Variants in CACNA1C observed in about 807,000 individuals in gnomAD.
CACNA1C encodes voltage-dependent L-type calcium channel subunit alpha-1C.
A neutral mutation model predicts 229.0 loss-of-function variants in CACNA1C; 30 were observed. That is an observed-to-expected ratio of 0.13 (90% CI 0.10 to 0.18). The LOEUF (loss-of-function observed/expected upper bound fraction) is 0.18. Ranked by LOEUF, CACNA1C falls within the 10% of genes least tolerant of loss-of-function variation. The pLI is 1.00. For synonymous variants in CACNA1C, 1,114 were observed against 1,132.5 expected (o/e 0.98, Z 0.33); for missense variants, 1,658 against 2,845.0 (o/e 0.58, Z 9.49).
intron 29 of CACNA1C, chr12:2,612,953 C>T (rs1011513590): frequency 3.9e-5 from 6 of 152,238 alleles, no homozygotes; most frequent in African/African-American, 1.4e-4. Flanking sequence ...AGACTTGAGA[C>T]AATCTCTCCA....
chr12:2,168,809 G>T (rs749671351), intron 3 of CACNA1C, among the ~76,000 whole-genome samples: 1 of 152,126 alleles, frequency 6.6e-6, no homozygotes, highest in Non-Finnish European at 1.5e-5. Context: ...ATTCTATGAT[G>T]GTCTTATGAG....
chr12:2,564,229 A>T (rs2049062371), intron 11 of CACNA1C, among the ~76,000 whole-genome samples: 1 of 152,134 alleles, frequency 6.6e-6, no homozygotes, highest in Non-Finnish European at 1.5e-5. Flanking sequence ...ACGATATGAT[A>T]CGCACTGTGA....
intron 9 of CACNA1C, among the ~76,000 whole-genome samples, chr12:2,517,891 C>T (rs1189252000): frequency 6.6e-6 from 1 of 152,214 alleles, no homozygotes; most frequent in Non-Finnish European, 1.5e-5. Flanking sequence ...TATTAAATAT[C>T]CATCCTTACA....
At chr12:2,203,847 G>T (rs2097673711) in intron 3 of CACNA1C, among the ~76,000 whole-genome samples, 1 of 152,220 alleles carries the variant, frequency 6.6e-6, no homozygotes, top group African/African-American at 2.4e-5. Context: ...GGATGGAACT[G>T]AGTGAAGTGA....
chr12:2,685,086 G>A (rs115346986), intron 43 of CACNA1C, among the ~76,000 whole-genome samples: 2,159 of 152,298 alleles, frequency 0.014, 51 homozygotes, highest in African/African-American at 0.048. Flanking sequence ...TGCAACGCAT[G>A]CACCGAGGGT....
At chr12:2,048,006 C>T (rs75941578), upstream of CACNA1C, among the ~76,000 whole-genome samples, 4,258 of 152,316 alleles carry the variant, frequency 0.028, 92 homozygotes, top group Non-Finnish European at 0.046. Context: ...GAGCTGGACA[C>T]GTACTTTGCC....
chr12:2,150,056 A>C (rs1442751693), intron 3 of CACNA1C, among the ~76,000 whole-genome samples: 1 of 152,166 alleles, frequency 6.6e-6, no homozygotes, highest in African/African-American at 2.4e-5. Context: ...GGTAACAGAG[A>C]GCCATGCTGT....
chr12:2,394,666 G>A (rs1323261067), intron 3 of CACNA1C, among the ~76,000 whole-genome samples: 1 of 152,142 alleles, frequency 6.6e-6, no homozygotes, highest in Non-Finnish European at 1.5e-5. Context: ...GACAAGAATG[G>A]CATCAAGTAG....
Position 2,605,629 on chromosome 12 carries a change from C to G in CACNA1C, c.3049-50C>G. 3 of 1,382,004 alleles carry G rather than the reference C, an allele frequency of 2.2e-6. No individual in the cohort carries two copies. Among genetic ancestry groups the G allele is most frequent in the Non-Finnish European group, 3.1e-6 (3 of 969,352 alleles). 85.6% of individuals were successfully genotyped at this position (1,382,004 alleles called of 1,614,324 possible). A position where few individuals can be genotyped will look rare whatever the true frequency, so the allele number is the denominator to read the frequency against. On this transcript the variant is annotated intron_variant, in intron 23 of 46. Coordinates refer to ENST00000399655, the MANE Select transcript of CACNA1C (RefSeq NM_000719.7). The surrounding 1 kb of genome is among the most constrained non-coding windows in gnomAD (Gnocchi z 6.2). ...GCCCCTGCTACCTCCTGGAAAGGCT[C>G]CTGGCATCTCCTGAAGCCACGTCCC...
intron 26 of CACNA1C, among the ~76,000 whole-genome samples, chr12:2,607,692 G>T (rs1307856661): frequency 1.3e-5 from 2 of 152,246 alleles, no homozygotes; most frequent in African/African-American, 4.8e-5. Context: ...GGCCTTGCAC[G>T]CTGCATCACC....
rs1454553609 is a variant in CACNA1C, at chr12:2,245,046, TG to T, written c.477+124617del. Reference sequence around the variant, plus strand: ...TGCCTGAACGTACTTGTGTGCTTGATGTCTTTCAAAAAGAAAGTGTCTAGGA... The same window carrying T: ...TGCCTGAACGTACTTGTGTGCTTGATTCTTTCAAAAAGAAAGTGTCTAGGA... On this transcript the variant is annotated intron_variant, in intron 3 of 46. Transcript: ENST00000399655. Among the ~76,000 whole-genome samples the T allele has an allele frequency of 2.0e-5, 3 of 152,172 alleles. No individual in the cohort carries two copies. In the East Asian group the frequency reaches 5.8e-4, roughly 29 times the overall value.
chr12:2,472,614 C>A (rs936929173), intron 5 of CACNA1C, among the ~76,000 whole-genome samples: 52 of 150,202 alleles, frequency 3.5e-4, no homozygotes, highest in East Asian at 1.7e-3. Context: ...ATATATATAT[C>A]TCTCTACACA....
chr12:2,694,867 G>A lies in CACNA1C; in HGVS notation c.*3668G>A, dbSNP rs1426699558. The A allele has an allele frequency of 1.3e-5, 2 of 152,172 alleles. No homozygotes were observed. The highest frequency in any genetic ancestry group is 3.8e-4 in the East Asian group (2 of 5,198). 9.4% of individuals were successfully genotyped at this position (152,172 alleles called of 1,614,324 possible). A position where few individuals can be genotyped will look rare whatever the true frequency, so the allele number is the denominator to read the frequency against. On this transcript the variant is annotated 3_prime_UTR_variant, in exon 47 of 47. Coordinates refer to ENST00000399655, the MANE Select transcript of CACNA1C (RefSeq NM_000719.7). ...AAGATACACAGCCACCACTCCTAAA[G>A]GCAAAGAAAGAAAACACGAATGTAG...
At chr12:2,338,782 T>C (rs1567129640) in intron 3 of CACNA1C, among the ~76,000 whole-genome samples, 1 of 152,154 alleles carries the variant, frequency 6.6e-6, no homozygotes, top group Non-Finnish European at 1.5e-5. Flanking sequence ...AATAGGGCTC[T>C]TGAGGGCTTA....
intron 3 of CACNA1C, among the ~76,000 whole-genome samples, chr12:2,233,743 T>G (rs1003853467): frequency 6.6e-6 from 1 of 152,186 alleles, no homozygotes; most frequent in Non-Finnish European, 1.5e-5. Flanking sequence ...TCTTAGCTGC[T>G]CCCTCTAACC....
rs1014074545 is a variant in CACNA1C, at chr12:2,136,168, C to T, written c.477+15738C>T. 9.9e-5 allele frequency among the ~76,000 whole-genome samples: 15 copies of T among 151,514 alleles called. 1 individual carries two copies. The highest frequency in any genetic ancestry group is 3.3e-4 in the Admixed American group (5 of 15,128). On this transcript the variant is annotated intron_variant, in intron 3 of 46. Coordinates refer to ENST00000399655, the MANE Select transcript of CACNA1C (RefSeq NM_000719.7). Reference sequence around the variant, plus strand: ...CAATGCCTCGCCCTGCTTTGGCTCGCGCACCCACTGGCCTGCGCCCACTGT... The same window carrying T: ...CAATGCCTCGCCCTGCTTTGGCTCGTGCACCCACTGGCCTGCGCCCACTGT...
At chr12:2,392,406 G>C (rs1008494924) in intron 3 of CACNA1C, among the ~76,000 whole-genome samples, 1 of 152,142 alleles carries the variant, frequency 6.6e-6, no homozygotes, top group Non-Finnish European at 1.5e-5. Context: ...CCAGGAAGCT[G>C]CAGAGGCCCT....
At chr12:2,558,635 G>T (rs772711494) in intron 11 of CACNA1C, among the ~76,000 whole-genome samples, 19 of 152,206 alleles carry the variant, frequency 1.2e-4, no homozygotes, top group Non-Finnish European at 2.2e-4. Context: ...CCCAGGGTCT[G>T]CCGAGGCACT....
chr12:2,372,387 T>G (rs1774593966), intron 3 of CACNA1C, among the ~76,000 whole-genome samples: 1 of 152,186 alleles, frequency 6.6e-6, no homozygotes, highest in African/African-American at 2.4e-5. Context: ...CACCGGAGTC[T>G]GTTGCCATGA....
Sources: allele counts gnomAD v4.1 joint callset (sites outside exome capture counted in the v4.1 genomes callset), GRCh38; gene constraint gnomAD v4.1.1; non-coding constraint Gnocchi (gnomAD v3.1); transcripts MANE v1.5; gene names NCBI Gene and HGNC (gene_info 2026-07-23, HGNC 2026-07-21).